The following KIF18B variants were observed in gnomAD, a reference collection of about 807,000 sequenced individuals.
The protein encoded by KIF18B is kinesin family member 18B.
KIF18B carries 49 observed loss-of-function variants against 80.9 expected under a neutral mutation model. The observed-to-expected ratio is 0.61, with a 90% CI of 0.48 to 0.77. The LOEUF (loss-of-function observed/expected upper bound fraction) is 0.77, where lower values mean the gene tolerates loss of function less well. Among genes scored for constraint, KIF18B ranks in the 30% least tolerant of loss-of-function variants. The pLI is 0.00. For missense variants in KIF18B, 994 were observed against 1,127.7 expected (o/e 0.88, Z 1.70); for synonymous variants, 439 against 463.9 (o/e 0.95, Z 0.69).
At chr17:44,930,909 G>A (rs971372283) in intron 11 of KIF18B, among the ~76,000 whole-genome samples, 2 of 152,228 alleles carry the variant, frequency 1.3e-5, no homozygotes, top group African/African-American at 4.8e-5. Flanking sequence ...TTGCTGAGTC[G>A]GGAACAGACA....
rs180733567 is a variant in KIF18B, at chr17:44,931,243, C to T, written c.1517+359G>A. On this transcript the variant is annotated intron_variant, in intron 11 of 15. Transcript: ENST00000593135. The stretch of plus-strand genomic sequence containing the variant: ...GAAGGCTGTCCCTTCCCCAGCCTGA[C>T]GTTCAGCTTCCCTTGGCTGTCCCCT... Among the ~76,000 whole-genome samples, 18 of 152,348 alleles carry T rather than the reference C, an allele frequency of 1.2e-4. 1 individual carries two copies. The East Asian group carries it at 2.5e-3, about 21-fold the overall frequency.
chr17:44,938,468 T>C (rs1215142628), intron 1 of KIF18B, among the ~76,000 whole-genome samples: 1 of 152,216 alleles, frequency 6.6e-6, no homozygotes, highest in Non-Finnish European at 1.5e-5. Flanking sequence ...GTCAGACATG[T>C]CAATCTTTTC....
rs1190567021 is a variant in KIF18B, at chr17:44,928,022, C to A, written c.2276+4G>T. 6.6e-7 allele frequency: 1 copy of A among 1,513,292 alleles called. No individual in the cohort carries two copies. Among genetic ancestry groups the A allele is most frequent in the East Asian group, 2.3e-5 (1 of 43,736 alleles). The allele number at this position is 1,513,292 out of a possible 1,614,324, so 93.7% of individuals were successfully genotyped here. A position where few individuals can be genotyped will look rare whatever the true frequency, so the allele number is the denominator to read the frequency against. On this transcript the variant is annotated splice_donor_region_variant and intron_variant, in intron 13 of 15. Coordinates refer to ENST00000593135, the MANE Select transcript of KIF18B (RefSeq NM_001265577.2). ...GAGGGGTGGAGCGAGACTGGGAGACCCACCTGGGGATGAAGGGCTGGTCCA... is the reference window on the plus strand; with the variant it reads ...GAGGGGTGGAGCGAGACTGGGAGACACACCTGGGGATGAAGGGCTGGTCCA...
At chr17:44,928,748 C>A (rs115310285) in intron 12 of KIF18B, 71 bp downstream of exon 12, 3 of 1,510,414 alleles carry the variant, frequency 2.0e-6, no homozygotes, top group South Asian at 2.3e-5. Flanking sequence ...CCCCTGGACA[C>A]CCCTTGGCCC....
In KIF18B at chr17:44,931,649, G is replaced by A. The variant is rs1181321206; in HGVS notation, c.1470C>T (p.Val490=). Residue 490 remains valine, a synonymous_variant, in exon 11 of 16, where the codon GTC becomes GTT. Coordinates refer to ENST00000593135, the MANE Select transcript of KIF18B (RefSeq NM_001265577.2). ...GTTCCCGTGCTGAGAAGTGGCCCAC[G>A]ACTGGCTTGGGCTGCAGGGTCAGGC... The part of the protein sequence containing the change: ...SPRLTLQPKP[V]VGHFSARELD... The A allele has an allele frequency of 3.7e-6, 6 of 1,613,966 alleles. No homozygotes were observed. The highest frequency in any genetic ancestry group is 4.5e-5 in the East Asian group (2 of 44,884).
At chr17:44,942,125 G>A (rs1309410325) in intron 1 of KIF18B, among the ~76,000 whole-genome samples, 2 of 152,154 alleles carry the variant, frequency 1.3e-5, no homozygotes, top group East Asian at 1.9e-4. Context: ...AACAGCTACC[G>A]ATCTGCTCCC....
intron 11 of KIF18B, among the ~76,000 whole-genome samples, chr17:44,930,742 C>A (rs1162500796): frequency 6.6e-6 from 1 of 152,152 alleles, no homozygotes; most frequent in Non-Finnish European, 1.5e-5. Flanking sequence ...GGACCCCTAG[C>A]AGAGGGGCCC....
In KIF18B at chr17:44,928,585, AGAAG is replaced by A. The variant is rs2052081811; in HGVS notation, c.1724-11_1724-8del. On this transcript the variant is annotated splice_region_variant and splice_polypyrimidine_tract_variant and intron_variant, in intron 12 of 15. Transcript: ENST00000593135. Reference sequence around the variant, plus strand: ...AGAGGAGACGGCACAGGGACTGCACAGAAGGAAGGAGAGTTTGTAGAACTTGGGG... The same window carrying A: ...AGAGGAGACGGCACAGGGACTGCACAGAAGGAGAGTTTGTAGAACTTGGGG... 7 of 1,446,614 alleles carry A rather than the reference AGAAG, an allele frequency of 4.8e-6. No individual in the cohort carries two copies. The highest frequency in any genetic ancestry group is 5.4e-6 in the Non-Finnish European group (6 of 1,106,868). The allele number at this position is 1,446,614 out of a possible 1,614,324, so 89.6% of individuals were successfully genotyped here. A position where few individuals can be genotyped will look rare whatever the true frequency, so the allele number is the denominator to read the frequency against.
chr17:44,939,818 T>A (rs568253191), intron 1 of KIF18B, among the ~76,000 whole-genome samples: 91 of 152,324 alleles, frequency 6.0e-4, no homozygotes, highest in Admixed American at 3.3e-3. Context: ...CCTTATTTTA[T>A]TTTTATTTTT....
intron 15 of KIF18B, 44 bp from the exon 16 acceptor site, chr17:44,926,230 G>T (rs1269868887): frequency 6.2e-7 from 1 of 1,610,830 alleles, no homozygotes; most frequent in Non-Finnish European, 8.5e-7. Flanking sequence ...AGCGAGGAAG[G>T]AAAGTGACGC....
In KIF18B at chr17:44,928,245, G is replaced by A. The variant is rs1232290608; in HGVS notation, c.2057C>T (p.Ser686Phe). The change falls in exon 13 of 16, where the codon TCC becomes TTC. Residue 686 changes from serine to phenylalanine, a missense_variant. Transcript: ENST00000593135. ...KGERASSPCH[S>F]PRVCPATVIK... ...GACTGTGGCTGGGCAAACGCGAGGG[G>A]AATGGCAGGGGGAGGAGGCCCTTTC... is the stretch of plus-strand genomic sequence containing the variant. The A allele has an allele frequency of 1.2e-6, 2 of 1,613,688 alleles. No homozygotes were observed. The highest frequency in any genetic ancestry group is 1.3e-5 in the African/African-American group (1 of 75,052).
Position 44,934,784 on chromosome 17 carries a change from C to T in KIF18B, c.576+47G>A, listed in dbSNP as rs1301735737. 4.0e-5 allele frequency: 57 copies of T among 1,431,630 alleles called. No homozygotes were observed. Among genetic ancestry groups the T allele is most frequent in the Non-Finnish European group, 5.4e-5 (57 of 1,047,506 alleles). 88.7% of individuals were successfully genotyped at this position (1,431,630 alleles called of 1,614,324 possible). On this transcript the variant is annotated intron_variant, in intron 4 of 15. Coordinates refer to ENST00000593135, the MANE Select transcript of KIF18B (RefSeq NM_001265577.2). The surrounding 1 kb of genome is among the most constrained non-coding windows in gnomAD (Gnocchi z 5.4). ...CCCCAAACAGTTTTGTGAGGGAACC[C>T]CAAGGACCCATGGGGCCGATCATCC...
chr17:44,945,257 C>T (rs2052489497), intron 1 of KIF18B, among the ~76,000 whole-genome samples: 1 of 152,188 alleles, frequency 6.6e-6, no homozygotes, highest in Non-Finnish European at 1.5e-5. Flanking sequence ...GATGGGGTTT[C>T]ACCATATTGC....
In KIF18B at chr17:44,927,953, C is replaced by G; in HGVS notation, c.2276+73G>C. ...CTCCAAGGCTGTCCTCCATACTTCT[C>G]AGCAGCACCAAGAAGTCCCTTGCTG... On this transcript the variant is annotated intron_variant, in intron 13 of 15. Transcript: ENST00000593135. This position sits in a 1 kb window ranked among gnomAD's most constrained non-coding sequence, Gnocchi z 4.1. 1 of 1,300,978 alleles carries G rather than the reference C, an allele frequency of 7.7e-7. No homozygotes were observed. 80.6% of individuals were successfully genotyped at this position (1,300,978 alleles called of 1,614,324 possible).
intron 11 of KIF18B, among the ~76,000 whole-genome samples, chr17:44,929,608 G>A (rs562926767): frequency 6.6e-6 from 1 of 152,312 alleles, no homozygotes; most frequent in South Asian, 2.1e-4. Flanking sequence ...TTACTTTACA[G>A]ACAAAATGTT....
chr17:44,937,741 T>C (rs2052337035), intron 1 of KIF18B, among the ~76,000 whole-genome samples: 1 of 152,210 alleles, frequency 6.6e-6, no homozygotes, highest in Admixed American at 6.5e-5. Flanking sequence ...CAATATTTCA[T>C]TTCTTGTCTA....
Position 44,938,015 on chromosome 17 carries a change from CACAT to C in KIF18B, c.-14-1661_-14-1658del, listed in dbSNP as rs1256610651. Among the ~76,000 whole-genome samples the C allele has an allele frequency of 1.1e-3, 139 of 131,004 alleles. 1 individual carries two copies. The highest frequency in any genetic ancestry group is 2.3e-3 in the Admixed American group (31 of 13,688). The allele number at this position is 131,004 out of a possible 152,430, so 85.9% of individuals were successfully genotyped here. Reference sequence around the variant, plus strand: ...ACACACACACACACACACACACACACACATATATATTTTTTTTGAGATGGAGTTT... The same window carrying C: ...ACACACACACACACACACACACACACATATATTTTTTTTGAGATGGAGTTT... On this transcript the variant is annotated intron_variant, in intron 1 of 15. Coordinates refer to ENST00000593135, the MANE Select transcript of KIF18B (RefSeq NM_001265577.2).
rs147949432 is a variant in KIF18B, at chr17:44,926,596, C to A, written c.2367-97G>T. On this transcript the variant is annotated intron_variant, in intron 14 of 15. Transcript: ENST00000593135. ...GGCATATAAGTACTTGACACTAAGC[C>A]CTGAGAGCAAAGGCTGCTGGGCACC... 94 of 1,235,186 alleles carry A rather than the reference C, an allele frequency of 7.6e-5. No homozygotes were observed. In the Middle Eastern group the frequency reaches 4.7e-3, roughly 61 times the overall value. 76.5% of individuals were successfully genotyped at this position (1,235,186 alleles called of 1,614,324 possible).
chr17:44,926,336 C>T lies in KIF18B; in HGVS notation c.2452+78G>A, dbSNP rs906465104. On this transcript the variant is annotated intron_variant, in intron 15 of 15. Transcript: ENST00000593135. ...CTAGGCCCTCCTTTCTTCTGGGTCT[C>T]AGCTCCCCGTCCCCTCCTCCTTCTT... 3.2e-6 allele frequency: 5 copies of T among 1,553,572 alleles called. No individual in the cohort carries two copies. In the African/African-American group the frequency reaches 5.5e-5, roughly 17 times the overall value.
Sources: gnomAD v4.1 joint callset for allele counts (sites outside exome capture counted in the v4.1 genomes callset) on GRCh38, gnomAD v4.1.1 for gene constraint, Gnocchi (gnomAD v3.1) non-coding constraint, MANE v1.5 for transcripts, NCBI Gene and HGNC (gene_info 2026-07-23, HGNC 2026-07-21) for gene names.